Variants in GLYATL2 observed in about 807,000 individuals in gnomAD.
GLYATL2 encodes the protein glycine N-acyltransferase-like protein 2.
In GLYATL2, 25 loss-of-function variants were observed where a neutral mutation model predicts 21.4. The ratio of observed to expected loss-of-function variants is 1.17; its 90% CI spans 0.85 to 1.63. The LOEUF (loss-of-function observed/expected upper bound fraction) is 1.63, where lower values mean the gene tolerates loss of function less well. Ranked by LOEUF, GLYATL2 falls within the 40% of genes most tolerant of loss-of-function variation. The probability of loss-of-function intolerance (pLI) is 0.00; values close to 1 mark genes in which losing one functional copy is unlikely to be tolerated. For missense variants in GLYATL2, 361 were observed against 343.3 expected, an observed-to-expected ratio of 1.05 and a Z score of -0.41; for synonymous variants, 114 against 118.2, an observed-to-expected ratio of 0.96 and a Z score of 0.23.
intron 1 of GLYATL2, among the ~76,000 whole-genome samples, chr11:58,887,268 A>G (rs1235384097): frequency 6.6e-6 from 1 of 152,202 alleles, no homozygotes; most frequent in East Asian, 1.9e-4. Context: ...AATGGAAATA[A>G]TGAAATATAC....
At position 58,868,203 on chromosome 11, in the gene GLYATL2, C is replaced by T. The variant is rs1424982839; in HGVS notation, n.61-29835G>A. 1.3e-5 allele frequency among the ~76,000 whole-genome samples: 2 copies of T among 148,750 alleles called. 1 individual carries two copies. Among genetic ancestry groups the T allele is most frequent in the East Asian group, 4.5e-4 (2 of 4,480 alleles). ...CTGGAATTGAAACCTCCCCTGTAGT[C>T]CCATAGATAGATTTTTGTATAAACA... On this transcript the variant is annotated intron_variant and non_coding_transcript_variant, in intron 1 of 4. Coordinates refer to the GLYATL2 transcript ENST00000533636.
At position 58,868,917 on chromosome 11, in the gene GLYATL2, C is replaced by T. The variant is rs550706389; in HGVS notation, n.61-30549G>A. On this transcript the variant is annotated intron_variant and non_coding_transcript_variant, in intron 1 of 4. Coordinates refer to the GLYATL2 transcript ENST00000533636. The stretch of plus-strand genomic sequence containing the variant: ...TTTTCCACTTGTGGGTTAAACAAGC[C>T]CAACTGATGAAGAGAGGGAAGTACC... 9.4e-5 allele frequency among the ~76,000 whole-genome samples: 14 copies of T among 148,994 alleles called. 3 individuals carry two copies. The highest frequency in any genetic ancestry group is 1.9e-4 in the Non-Finnish European group (13 of 67,176).
intron 2 of GLYATL2, 36 bp downstream of exon 2, chr11:58,839,499 C>A (rs749794954): frequency 2.9e-6 from 4 of 1,362,424 alleles, no homozygotes; most frequent in Non-Finnish European, 4.1e-6. Context: ...CTCAACTCAA[C>A]CCTCTCTCTC....
chr11:58,899,438 T>C (rs770701771), intron 1 of GLYATL2, among the ~76,000 whole-genome samples: 3 of 151,986 alleles, frequency 2.0e-5, no homozygotes, highest in Non-Finnish European at 2.9e-5. Flanking sequence ...TAAACATATT[T>C]CCTATAAACT....
intron 1 of GLYATL2, among the ~76,000 whole-genome samples, chr11:58,863,500 G>A (rs968833758): frequency 6.6e-6 from 1 of 152,188 alleles, no homozygotes; most frequent in African/African-American, 2.4e-5. Context: ...AACTCAGCCT[G>A]TATGCTGGGT....
intron 1 of GLYATL2, chr11:58,892,554 G>A (rs1854562790): frequency 4.6e-6 from 1 of 216,134 alleles, no homozygotes; most frequent in African/African-American, 2.3e-5. Context: ...TGATTGTGGT[G>A]TAAACTCAAG....
intron 1 of GLYATL2, among the ~76,000 whole-genome samples, chr11:58,878,735 A>T (rs1326148146): frequency 6.6e-6 from 1 of 152,212 alleles, no homozygotes; most frequent in East Asian, 1.9e-4. Context: ...TATTTTAGGT[A>T]AAAATGGAAT....
At chr11:58,901,141 A>C (rs1179114545) in intron 1 of GLYATL2, among the ~76,000 whole-genome samples, 2 of 152,212 alleles carry the variant, frequency 1.3e-5, no homozygotes, top group African/African-American at 4.8e-5. Context: ...CACAAGATGC[A>C]AGTAAAAAAG....
rs2134580615 is a variant in GLYATL2, at chr11:58,844,510, C to T, written c.-117G>A. The T allele has an allele frequency of 6.6e-6, 1 of 152,308 alleles. No homozygotes were observed. The highest frequency in any genetic ancestry group is 2.1e-4 in the South Asian group (1 of 4,826). 9.4% of individuals were successfully genotyped at this position (152,308 alleles called of 1,614,324 possible). A position where few individuals can be genotyped will look rare whatever the true frequency, so the allele number is the denominator to read the frequency against. On this transcript the variant is annotated 5_prime_UTR_variant, in exon 1 of 6. The change abolishes the stop of an existing upstream ORF in the 5' untranslated region. Coordinates refer to ENST00000287275, the MANE Select transcript of GLYATL2 (RefSeq NM_145016.4). ...TATGGCAATGGAAAGGTTTCTGTAGCTAATACTCTACGGACTGAAACACAA... is the reference window on the plus strand; with the variant it reads ...TATGGCAATGGAAAGGTTTCTGTAGTTAATACTCTACGGACTGAAACACAA...
At chr11:58,909,471 G>A in the GLYATL2 span, among the ~76,000 whole-genome samples, 1 of 152,118 alleles carries the variant, frequency 6.6e-6, no homozygotes, top group African/African-American at 2.4e-5. Context: ...AGATTCTGGT[G>A]ATAATGTATC....
chr11:58,864,155 G>A lies in GLYATL2; in HGVS notation n.61-25787C>T, dbSNP rs139795946. Among the ~76,000 whole-genome samples the A allele has an allele frequency of 2.3e-3, 350 of 152,202 alleles. 4 individuals carry two copies. The highest frequency in any genetic ancestry group is 7.1e-3 in the African/African-American group (294 of 41,526). On this transcript the variant is annotated intron_variant and non_coding_transcript_variant, in intron 1 of 4. Transcript: ENST00000533636. ...CTGGCGCTAGGCAGTCCTAGAATCT[G>A]TATCCACAGGGGTCAGCCTGGAGGT...
At chr11:58,843,552 C>G (rs1357628653) in intron 1 of GLYATL2, among the ~76,000 whole-genome samples, 2 of 151,696 alleles carry the variant, frequency 1.3e-5, no homozygotes, top group Non-Finnish European at 2.9e-5. Context: ...AGATAAGGTA[C>G]AAAGCATTTG....
At chr11:58,908,165 CTCCCAGCTTG>C (rs1229102783), upstream of GLYATL2, 7 of 152,280 alleles carry the variant, frequency 4.6e-5, no homozygotes, top group African/African-American at 1.4e-4. Context: ...CCTCCCACAA[CTCCCAGCTTG>C]TCTTCTCAAC....
At chr11:58,869,133 T>G (rs1418694300) in intron 1 of GLYATL2, among the ~76,000 whole-genome samples, 1 of 152,228 alleles carries the variant, frequency 6.6e-6, no homozygotes, top group Non-Finnish European at 1.5e-5. Flanking sequence ...CTCATTGAGT[T>G]TGTACACTTT....
intron 1 of GLYATL2, among the ~76,000 whole-genome samples, chr11:58,868,057 CCCTACAGATGGGAGAGGAG>C (rs960338334): frequency 1.3e-5 from 2 of 148,690 alleles, no homozygotes; most frequent in Non-Finnish European, 3.0e-5. Flanking sequence ...AGCTCAGCAG[CCCTACAGATGGGAGAGGAG>C]CCTACAGATG....
At chr11:58,842,555 G>T (rs1280689425) in intron 1 of GLYATL2, among the ~76,000 whole-genome samples, 1 of 149,958 alleles carries the variant, frequency 6.7e-6, no homozygotes, top group Admixed American at 6.7e-5. Flanking sequence ...GTCTGGGGTG[G>T]GTTCCTGCCT....
upstream of GLYATL2, among the ~76,000 whole-genome samples, chr11:58,846,387 A>C (rs946703019): frequency 6.6e-6 from 1 of 152,206 alleles, no homozygotes; most frequent in African/African-American, 2.4e-5. Flanking sequence ...GTGAGCACTC[A>C]TAGTACCTGG....
chr11:58,859,156 G>A (rs1302847486), intron 1 of GLYATL2, among the ~76,000 whole-genome samples: 1 of 152,072 alleles, frequency 6.6e-6, no homozygotes, highest in African/African-American at 2.4e-5. Flanking sequence ...GGTGTGAGAT[G>A]TTCCCTATTT....
intron 2 of GLYATL2, among the ~76,000 whole-genome samples, chr11:58,839,078 T>C (rs1853495913): frequency 6.6e-6 from 1 of 152,148 alleles, no homozygotes; most frequent in Non-Finnish European, 1.5e-5. Context: ...GCAAGTGGTA[T>C]ATGGCAGGAG....
Sources: allele counts gnomAD v4.1 joint callset (sites outside exome capture counted in the v4.1 genomes callset), GRCh38; gene constraint gnomAD v4.1.1; transcripts MANE v1.5; gene names NCBI Gene and HGNC (gene_info 2026-07-23, HGNC 2026-07-21).